ZBTB44: variants seen among roughly 807,000 people sequenced by gnomAD.
The protein encoded by ZBTB44 is zinc finger and BTB domain containing 44.
In ZBTB44, 15 loss-of-function variants were observed where a neutral mutation model predicts 54.0. The ratio of observed to expected loss-of-function variants is 0.28; its 90% CI spans 0.19 to 0.43. The LOEUF (loss-of-function observed/expected upper bound fraction) is 0.43. Ranked by LOEUF, ZBTB44 falls within the 20% of genes least tolerant of loss-of-function variation. The pLI is 1.00. For synonymous variants in ZBTB44, 230 were observed against 250.1 expected, an observed-to-expected ratio of 0.92 and a Z score of 0.76; for missense variants, 487 against 707.1, an observed-to-expected ratio of 0.69 and a Z score of 3.53.
rs896605373 is a variant in ZBTB44, at chr11:130,303,372, A to G, written c.-57+11003T>C. On this transcript the variant is annotated intron_variant, in intron 1 of 7. Transcript: ENST00000357899. ...ATACCAAGGCCGGGCACAGTGGCTC[A>G]CACGTTTAATCCCGGCACTTTAGGA... Among the ~76,000 whole-genome samples the G allele has an allele frequency of 3.3e-5, 5 of 152,386 alleles. No homozygotes were observed. In the South Asian group the frequency reaches 8.3e-4, roughly 25 times the overall value.
rs1160244728 is a variant in ZBTB44 at position 130,313,966 on chromosome 11, A to ATATATTTTTTT, written c.-57+408_-57+409insAAAAAAATATA. 3.7e-3 allele frequency among the ~76,000 whole-genome samples: 428 copies of ATATATTTTTTT among 116,144 alleles called. 3 individuals are homozygous for ATATATTTTTTT. The highest frequency in any genetic ancestry group is 0.012 in the African/African-American group (417 of 35,306). 76.2% of individuals were successfully genotyped at this position (116,144 alleles called of 152,430 possible). A position where few individuals can be genotyped will look rare whatever the true frequency, so the allele number is the denominator to read the frequency against. ...TGTGTGTGTATATATATATATATAT[A>ATATATTTTTTT]TTTTTTTAAAGAAGTGCCATCTTTT... On this transcript the variant is annotated intron_variant, in intron 1 of 7. Transcript: ENST00000357899.
At chr11:130,248,632 T>C (rs930017327) in intron 2 of ZBTB44, among the ~76,000 whole-genome samples, 1 of 151,750 alleles carries the variant, frequency 6.6e-6, no homozygotes, top group East Asian at 1.9e-4. Flanking sequence ...CAGGGCAAGA[T>C]ACTGGCTCAA....
chr11:130,298,465 T>G (rs945409592), intron 1 of ZBTB44, among the ~76,000 whole-genome samples: 1 of 148,274 alleles, frequency 6.7e-6, no homozygotes, highest in African/African-American at 2.5e-5. Flanking sequence ...GTTTTTTTTT[T>G]TTTTTTTTTT....
At chr11:130,256,907 G>A (rs1369531867) in intron 2 of ZBTB44, among the ~76,000 whole-genome samples, 1 of 151,996 alleles carries the variant, frequency 6.6e-6, no homozygotes, top group Non-Finnish European at 1.5e-5. Flanking sequence ...GAGCAATCAG[G>A]CAAGAGAAAG....
chr11:130,299,291 T>C (rs1202231293), intron 1 of ZBTB44, among the ~76,000 whole-genome samples: 1 of 151,996 alleles, frequency 6.6e-6, no homozygotes, highest in Non-Finnish European at 1.5e-5. Context: ...TAATAAAATA[T>C]CAAGAAAGCC....
chr11:130,271,613 C>T (rs941193654), intron 1 of ZBTB44, among the ~76,000 whole-genome samples: 3 of 152,152 alleles, frequency 2.0e-5, no homozygotes, highest in South Asian at 4.1e-4. Flanking sequence ...ATAATGTGGA[C>T]GTTTGGGGCT....
At chr11:130,302,940 G>A (rs957049324) in intron 1 of ZBTB44, among the ~76,000 whole-genome samples, 2 of 152,030 alleles carry the variant, frequency 1.3e-5, no homozygotes, top group Non-Finnish European at 2.9e-5. Flanking sequence ...ACACCATTGC[G>A]CTCCAGCCTG....
chr11:130,260,101 G>A (rs1017894143), intron 2 of ZBTB44, among the ~76,000 whole-genome samples: 3 of 152,166 alleles, frequency 2.0e-5, no homozygotes, highest in Admixed American at 1.3e-4. Context: ...GCACTTAAAT[G>A]CAACCCCTAC....
chr11:130,307,884 C>T (rs1054750646), intron 1 of ZBTB44, among the ~76,000 whole-genome samples: 1 of 152,198 alleles, frequency 6.6e-6, no homozygotes, highest in Non-Finnish European at 1.5e-5. Flanking sequence ...TGCCACCACA[C>T]TTGGCTAATT....
intron 5 of ZBTB44, 95 bp from the exon 6 acceptor site, chr11:130,234,368 G>A (rs1954016289): frequency 8.0e-7 from 1 of 1,254,438 alleles, no homozygotes; most frequent in Non-Finnish European, 1.1e-6. Flanking sequence ...AACAAAATTG[G>A]GACTCTTCAT....
chr11:130,250,482 T>A (rs1305404296), intron 2 of ZBTB44, among the ~76,000 whole-genome samples: 1 of 152,168 alleles, frequency 6.6e-6, no homozygotes, highest in Non-Finnish European at 1.5e-5. Flanking sequence ...GCCTCCTGAC[T>A]GGGAGAGACT....
At chr11:130,267,559 C>A (rs559791651) in intron 1 of ZBTB44, among the ~76,000 whole-genome samples, 100 of 152,014 alleles carry the variant, frequency 6.6e-4, no homozygotes, top group African/African-American at 2.2e-3. Flanking sequence ...TGTGTATCAC[C>A]ACGCCTGGCT....
intron 5 of ZBTB44, among the ~76,000 whole-genome samples, chr11:130,234,527 CTG>C (rs1954021896): frequency 6.6e-6 from 1 of 152,196 alleles, no homozygotes; most frequent in African/African-American, 2.4e-5. Context: ...CATTATAACT[CTG>C]GACACCTTAA....
chr11:130,292,146 C>A (rs11222033), intron 1 of ZBTB44, among the ~76,000 whole-genome samples: 4 of 152,152 alleles, frequency 2.6e-5, no homozygotes, highest in Admixed American at 6.5e-5. Flanking sequence ...GGATGTAACA[C>A]AATCTGTTTA....
At chr11:130,258,189 TAAC>T (rs1038134771) in intron 2 of ZBTB44, among the ~76,000 whole-genome samples, 1 of 152,184 alleles carries the variant, frequency 6.6e-6, no homozygotes, top group African/African-American at 2.4e-5. Context: ...GATTCAGAAA[TAAC>T]AAAATATGAA....
intron 1 of ZBTB44, among the ~76,000 whole-genome samples, chr11:130,277,056 G>T (rs1940156423): frequency 6.6e-6 from 1 of 151,998 alleles, no homozygotes; most frequent in Non-Finnish European, 1.5e-5. Flanking sequence ...CCTTTAGCTA[G>T]CATACAGCTG....
chr11:130,270,105 G>A (rs140201014), intron 1 of ZBTB44, among the ~76,000 whole-genome samples: 74 of 152,306 alleles, frequency 4.9e-4, no homozygotes, highest in African/African-American at 1.7e-3. Context: ...AGAAAGTAAT[G>A]AGACTGTTAA....
At chr11:130,245,711 T>C (rs1397008409) in intron 2 of ZBTB44, among the ~76,000 whole-genome samples, 1 of 144,128 alleles carries the variant, frequency 6.9e-6, no homozygotes, top group African/African-American at 2.8e-5. Flanking sequence ...GGCTTCTCAC[T>C]ATCAGGTTGT....
chr11:130,250,538 G>A (rs1287668444), intron 2 of ZBTB44, among the ~76,000 whole-genome samples: 23 of 152,140 alleles, frequency 1.5e-4, no homozygotes, highest in Admixed American at 1.5e-3. Flanking sequence ...GCTCCGGCTG[G>A]CATCAGGCCG....
Sources: gnomAD v4.1 joint callset for allele counts (sites outside exome capture counted in the v4.1 genomes callset) on GRCh38, gnomAD v4.1.1 for gene constraint, MANE v1.5 for transcripts, NCBI Gene and HGNC (gene_info 2026-07-23, HGNC 2026-07-21) for gene names.